The following PAK6 variants were observed in gnomAD, a reference collection of about 807,000 sequenced individuals.
PAK6 encodes the protein p21 (RAC1) activated kinase 6.
Under a neutral mutation model 60.8 loss-of-function variants are expected in PAK6, and 33 were observed. The ratio of observed to expected loss-of-function variants is 0.54; its 90% CI spans 0.41 to 0.73. PAK6 has a LOEUF of 0.73. Ranked by LOEUF, PAK6 falls within the 30% of genes least tolerant of loss-of-function variation. The probability of loss-of-function intolerance (pLI) is 0.00; values close to 1 mark genes in which losing one functional copy is unlikely to be tolerated. For missense variants in PAK6, 845 were observed against 904.1 expected (o/e 0.93, Z 0.84); for synonymous variants, 404 against 378.5 (o/e 1.07, Z -0.78).
At chr15:40,261,046 A>C (rs891163829) in intron 3 of PAK6, among the ~76,000 whole-genome samples, 2 of 151,464 alleles carry the variant, frequency 1.3e-5, no homozygotes, top group Non-Finnish European at 2.9e-5. Context: ...CCACCACCAC[A>C]CCCGGCTAAT....
At chr15:40,240,561 C>CTTTTTTTTT in intron 1 of PAK6, 38 bp from the exon 2 acceptor site, 2 of 291,772 alleles carry the variant, frequency 6.9e-6, no homozygotes, top group South Asian at 4.4e-5. Flanking sequence ...GTTTTCTTTT[C>CTTTTTTTTT]CTTTTTTTTT....
intron 2 of PAK6, chr15:40,252,348 TCC>T: frequency 7.7e-7 from 1 of 1,291,604 alleles, no homozygotes. Flanking sequence ...CGCAGGCAGG[TCC>T]CCGCGGCTGT....
intron 2 of PAK6, chr15:40,247,415 C>A (rs1052980378): frequency 6.6e-6 from 1 of 152,210 alleles, no homozygotes; most frequent in Non-Finnish European, 1.5e-5. Flanking sequence ...TGTTCCCCAG[C>A]CCTTCCCAGG....
intron 3 of PAK6, among the ~76,000 whole-genome samples, chr15:40,261,821 C>G (rs975044044): frequency 6.6e-6 from 1 of 152,180 alleles, no homozygotes; most frequent in Non-Finnish European, 1.5e-5. Flanking sequence ...CCACCCTCAC[C>G]ATCACCACTC....
chr15:40,271,214 A>G (rs1449283416), intron 5 of PAK6, among the ~76,000 whole-genome samples: 2 of 152,230 alleles, frequency 1.3e-5, no homozygotes, highest in African/African-American at 4.8e-5. Context: ...CTCCTTGGGG[A>G]GAACCCAAAG....
At chr15:40,244,377 CT>C (rs1283022554) in intron 2 of PAK6, among the ~76,000 whole-genome samples, 7 of 143,610 alleles carry the variant, frequency 4.9e-5, no homozygotes, top group Non-Finnish European at 4.5e-5. Context: ...ATCTCAGAGA[CT>C]TTTGTTTTCT....
At chr15:40,254,039 G>A (rs955488510) in intron 3 of PAK6, among the ~76,000 whole-genome samples, 8 of 152,308 alleles carry the variant, frequency 5.3e-5, no homozygotes, top group Admixed American at 2.0e-4. Flanking sequence ...GGTTCAGCCT[G>A]CAGTGCCATG....
chr15:40,273,077 C>A, intron 7 of PAK6, 78 bp downstream of exon 7: 1 of 1,553,118 alleles, frequency 6.4e-7, no homozygotes, highest in South Asian at 1.2e-5. Context: ...GGTCTTCTGC[C>A]TGTGGCCCAG....
At chr15:40,248,312 A>G (rs527292225) in intron 2 of PAK6, among the ~76,000 whole-genome samples, 2 of 152,294 alleles carry the variant, frequency 1.3e-5, no homozygotes, top group South Asian at 4.1e-4. Flanking sequence ...CAGGGTGAGG[A>G]GCAGGAAGAA....
intron 3 of PAK6, among the ~76,000 whole-genome samples, chr15:40,254,763 G>C (rs918203918): frequency 5.3e-5 from 8 of 152,206 alleles, no homozygotes; most frequent in African/African-American, 4.8e-5. Flanking sequence ...ACTTCTCTCT[G>C]AGCCTCAGTT....
In PAK6 at chr15:40,268,266, T is replaced by G. The variant is rs549259288; in HGVS notation, c.858+1771T>G. The stretch of plus-strand genomic sequence containing the variant: ...CCCCCGAGCTGCTCCGGGCCGGGGC[T>G]TCTCAGCGTCCTCACTGCAGGCGCT... On this transcript the variant is annotated intron_variant, in intron 5 of 10. Coordinates refer to ENST00000560346, the Ensembl canonical transcript of PAK6. Among the ~76,000 whole-genome samples the G allele has an allele frequency of 3.9e-5, 6 of 152,296 alleles. No individual in the cohort carries two copies. In the South Asian group the frequency reaches 1.2e-3, roughly 32 times the overall value.
At chr15:40,267,180 G>A (rs746194777) in intron 5 of PAK6, among the ~76,000 whole-genome samples, 7 of 151,574 alleles carry the variant, frequency 4.6e-5, no homozygotes, top group South Asian at 2.1e-4. Context: ...CCTAAGAAAC[G>A]GCTGCTGACA....
At chr15:40,260,672 A>G (rs2140971150) in intron 3 of PAK6, among the ~76,000 whole-genome samples, 1 of 152,278 alleles carries the variant, frequency 6.6e-6, no homozygotes, top group Admixed American at 6.5e-5. Flanking sequence ...AATTTCTACC[A>G]AAGGAAATAT....
chr15:40,261,144 T>A (rs1307249034), intron 3 of PAK6, among the ~76,000 whole-genome samples: 1 of 151,632 alleles, frequency 6.6e-6, no homozygotes, highest in Non-Finnish European at 1.5e-5. Flanking sequence ...CACCTCGGCC[T>A]CCCAAAGTGC....
intron 2 of PAK6, chr15:40,252,581 A>G (rs756696424): frequency 2.2e-6 from 3 of 1,358,334 alleles, no homozygotes; most frequent in Middle Eastern, 2.1e-4. Context: ...GCGCTGCACC[A>G]ACGTGTAAGC....
intron 3 of PAK6, among the ~76,000 whole-genome samples, chr15:40,263,521 G>A (rs2039037408): frequency 6.6e-6 from 1 of 152,200 alleles, no homozygotes; most frequent in African/African-American, 2.4e-5. Context: ...TCCATTGCAA[G>A]CCTGTGTCAC....
At position 40,264,696 on chromosome 15, in the gene PAK6, G is replaced by A. The variant is rs527568311; in HGVS notation, c.-5-85G>A. The A allele has an allele frequency of 5.3e-6, 6 of 1,124,244 alleles. No individual in the cohort carries two copies. In the African/African-American group the frequency reaches 9.2e-5, roughly 17 times the overall value. 69.6% of individuals were successfully genotyped at this position (1,124,244 alleles called of 1,614,324 possible). On this transcript the variant is annotated intron_variant, in intron 3 of 10. Transcript: ENST00000560346. ...AGGGGAGCTGTGCTGGGGGAGGGGA[G>A]GGAGCCCTGAACCTGGTGCCCCAGG...
intron 2 of PAK6, 172 bp from the exon 3 acceptor site, chr15:40,253,006 C>G (rs978183555): frequency 2.7e-5 from 12 of 444,508 alleles, no homozygotes; most frequent in Non-Finnish European, 3.8e-5. Flanking sequence ...CCAACGTCCC[C>G]TTCTCCCCGT....
intron 3 of PAK6, among the ~76,000 whole-genome samples, chr15:40,254,325 C>A (rs1277408021): frequency 1.3e-5 from 2 of 152,136 alleles, no homozygotes; most frequent in African/African-American, 4.8e-5. Flanking sequence ...GCTTTGAGGG[C>A]AGTCTGGCTG....
Sources: gnomAD v4.1 joint callset for allele counts (sites outside exome capture counted in the v4.1 genomes callset) on GRCh38, gnomAD v4.1.1 for gene constraint, MANE v1.5 for transcripts, NCBI Gene and HGNC (gene_info 2026-07-23, HGNC 2026-07-21) for gene names.